The following TAFA1 variants were observed in gnomAD, a reference collection of about 807,000 sequenced individuals.
TAFA1 encodes the protein TAFA chemokine like family member 1.
TAFA1 carries 4 observed loss-of-function variants against 18.5 expected under a neutral mutation model. The observed-to-expected ratio is 0.22, with a 90% CI of 0.11 to 0.49. The LOEUF (loss-of-function observed/expected upper bound fraction) is 0.49. TAFA1 is among the 20% of genes least tolerant of loss of function. The pLI is 0.98. For missense variants in TAFA1, 147 were observed against 169.0 expected (o/e 0.87, Z 0.72); for synonymous variants, 56 against 55.2 (o/e 1.01, Z -0.06).
At chr3:68,464,800 C>T (rs911325136) in intron 3 of TAFA1, among the ~76,000 whole-genome samples, 2 of 152,146 alleles carry the variant, frequency 1.3e-5, no homozygotes, top group South Asian at 2.1e-4. Flanking sequence ...GATATCCTTC[C>T]TCTCTACCCT....
At chr3:68,099,787 A>G (rs2065126540) in intron 2 of TAFA1, among the ~76,000 whole-genome samples, 1 of 152,226 alleles carries the variant, frequency 6.6e-6, no homozygotes, top group South Asian at 2.1e-4. Context: ...AAAATTTGGT[A>G]CATACACACC....
At chr3:68,206,078 C>T (rs1410249632) in intron 2 of TAFA1, among the ~76,000 whole-genome samples, 1 of 151,556 alleles carries the variant, frequency 6.6e-6, no homozygotes, top group Non-Finnish European at 1.5e-5. Context: ...TTTTTGTGTG[C>T]TTCATTTTAA....
At chr3:68,206,102 A>G (rs2066523240) in intron 2 of TAFA1, among the ~76,000 whole-genome samples, 1 of 151,840 alleles carries the variant, frequency 6.6e-6, no homozygotes, top group Non-Finnish European at 1.5e-5. Context: ...CCACAGATTT[A>G]CACATAAAAA....
At chr3:68,335,892 G>T (rs892538374) in intron 2 of TAFA1, among the ~76,000 whole-genome samples, 1 of 152,190 alleles carries the variant, frequency 6.6e-6, no homozygotes, top group Non-Finnish European at 1.5e-5. Context: ...GCTTTGTCAA[G>T]TTGTCATTTG....
chr3:68,227,600 C>A (rs890817182), intron 2 of TAFA1, among the ~76,000 whole-genome samples: 1 of 152,050 alleles, frequency 6.6e-6, no homozygotes, highest in Non-Finnish European at 1.5e-5. Flanking sequence ...TCACAAAAGA[C>A]CACAAAATGC....
At chr3:68,081,071 C>T (rs920317385) in intron 2 of TAFA1, among the ~76,000 whole-genome samples, 5 of 152,092 alleles carry the variant, frequency 3.3e-5, no homozygotes, top group African/African-American at 1.2e-4. Context: ...TTTCATCTTC[C>T]ATCACTGATA....
intron 2 of TAFA1, among the ~76,000 whole-genome samples, chr3:68,033,938 C>A (rs1426774578): frequency 1.3e-5 from 2 of 152,134 alleles, no homozygotes. Context: ...GAAATATGGA[C>A]AGGTTACAGG....
chr3:68,243,810 G>A (rs948370253), intron 2 of TAFA1, among the ~76,000 whole-genome samples: 1 of 152,098 alleles, frequency 6.6e-6, no homozygotes, highest in African/African-American at 2.4e-5. Flanking sequence ...CACAGTGTGC[G>A]ATTTCTGGGT....
At chr3:68,215,102 G>A (rs924319056) in intron 2 of TAFA1, among the ~76,000 whole-genome samples, 1 of 152,016 alleles carries the variant, frequency 6.6e-6, no homozygotes, top group Non-Finnish European at 1.5e-5. Flanking sequence ...AGGTTTCACT[G>A]TGAATTTATG....
intron 2 of TAFA1, among the ~76,000 whole-genome samples, chr3:68,281,467 CTTTT>C (rs10713944): frequency 2.7e-5 from 3 of 111,744 alleles, no homozygotes; most frequent in Non-Finnish European, 3.6e-5. Flanking sequence ...CCACATTAAC[CTTTT>C]TTTTTTTTTT....
chr3:68,253,679 A>G (rs2067239660), intron 2 of TAFA1, among the ~76,000 whole-genome samples: 2 of 152,208 alleles, frequency 1.3e-5, no homozygotes, highest in East Asian at 3.8e-4. Context: ...CAGCAATGCT[A>G]GATAGTACAA....
chr3:68,514,691 A>G (rs1443868144), intron 3 of TAFA1, among the ~76,000 whole-genome samples: 3 of 150,514 alleles, frequency 2.0e-5, no homozygotes, highest in Non-Finnish European at 1.5e-5. Context: ...GCCTAGTTTT[A>G]TATAACACCA....
chr3:68,069,565 T>C (rs1156236571), intron 2 of TAFA1, among the ~76,000 whole-genome samples: 1 of 152,136 alleles, frequency 6.6e-6, no homozygotes, highest in African/African-American at 2.4e-5. Flanking sequence ...CATCCTCACA[T>C]TTCAAAACCA....
At chr3:68,261,366 A>G (rs1478714169) in intron 2 of TAFA1, among the ~76,000 whole-genome samples, 3 of 152,202 alleles carry the variant, frequency 2.0e-5, no homozygotes, top group Non-Finnish European at 4.4e-5. Flanking sequence ...GCGATTCCTC[A>G]GGGATCTAGA....
intron 2 of TAFA1, among the ~76,000 whole-genome samples, chr3:68,066,354 C>T (rs1471862019): frequency 6.6e-6 from 1 of 152,054 alleles, no homozygotes; most frequent in Non-Finnish European, 1.5e-5. Context: ...CTAGAATGTG[C>T]TTGGCACATA....
chr3:68,476,763 T>C (rs1045457283), intron 3 of TAFA1, among the ~76,000 whole-genome samples: 3 of 152,214 alleles, frequency 2.0e-5, no homozygotes, highest in Non-Finnish European at 1.5e-5. Flanking sequence ...TTAAAGGATA[T>C]ATAGAACCCA....
chr3:68,020,224 G>A (rs1704658852), intron 2 of TAFA1, among the ~76,000 whole-genome samples: 2 of 152,310 alleles, frequency 1.3e-5, no homozygotes, highest in South Asian at 4.1e-4. Context: ...GAGTTGATTT[G>A]CTTGCAGGTC....
intron 3 of TAFA1, among the ~76,000 whole-genome samples, chr3:68,484,293 A>AC (rs2072295858): frequency 6.6e-6 from 1 of 152,222 alleles, no homozygotes; most frequent in Non-Finnish European, 1.5e-5. Flanking sequence ...ACCATGTTGA[A>AC]CAGCATAGTT....
chr3:68,523,733 A>G (rs1339195947), intron 3 of TAFA1, among the ~76,000 whole-genome samples: 1 of 152,070 alleles, frequency 6.6e-6, no homozygotes, highest in Non-Finnish European at 1.5e-5. Flanking sequence ...GATTGTTTTT[A>G]TTTTTCTTTT....
Sources: gnomAD v4.1 joint callset for allele counts (sites outside exome capture counted in the v4.1 genomes callset) on GRCh38, gnomAD v4.1.1 for gene constraint, MANE v1.5 for transcripts, NCBI Gene and HGNC (gene_info 2026-07-23, HGNC 2026-07-21) for gene names.